CHST11: variants seen among roughly 807,000 people sequenced by gnomAD.
CHST11 encodes the protein C4S-1.
CHST11 carries 9 observed loss-of-function variants against 30.4 expected under a neutral mutation model. That is an observed-to-expected ratio of 0.30 (90% CI 0.18 to 0.52). The LOEUF (loss-of-function observed/expected upper bound fraction) is 0.52. CHST11 is among the 20% of genes least tolerant of loss of function. The pLI is 0.97. For synonymous variants in CHST11, 152 were observed against 187.8 expected (o/e 0.81, Z 1.56); for missense variants, 348 against 460.6 (o/e 0.76, Z 2.24).
At chr12:104,734,511 C>T (rs763256012) in intron 2 of CHST11, among the ~76,000 whole-genome samples, 46 of 152,174 alleles carry the variant, frequency 3.0e-4, no homozygotes, top group Admixed American at 2.6e-4. Context: ...CCTTAAGATC[C>T]GGACCCAAAT....
chr12:104,485,972 T>C (rs2037673395), intron 1 of CHST11, among the ~76,000 whole-genome samples: 1 of 152,180 alleles, frequency 6.6e-6, no homozygotes, highest in African/African-American at 2.4e-5. Context: ...GCATAAGTCA[T>C]CGCACCATTC....
intron 1 of CHST11, among the ~76,000 whole-genome samples, chr12:104,496,019 T>G (rs17035659): frequency 0.04 from 6,149 of 152,358 alleles, 182 homozygotes; most frequent in Admixed American, 0.09. Flanking sequence ...ATAGCAGACT[T>G]AAGCGAGGGC....
intron 2 of CHST11, among the ~76,000 whole-genome samples, chr12:104,687,920 G>A (rs994739646): frequency 2.6e-5 from 4 of 152,280 alleles, no homozygotes; most frequent in East Asian, 1.9e-4. Context: ...GTTTAATGCC[G>A]TTGGGTGAGG....
intron 1 of CHST11, among the ~76,000 whole-genome samples, chr12:104,568,566 A>G (rs1264634753): frequency 6.6e-6 from 1 of 152,200 alleles, no homozygotes; most frequent in Non-Finnish European, 1.5e-5. Context: ...TTGGCATTTT[A>G]CAAATGTGAT....
At chr12:104,665,563 G>A (rs1334384151) in intron 2 of CHST11, among the ~76,000 whole-genome samples, 3 of 152,068 alleles carry the variant, frequency 2.0e-5, no homozygotes, top group Non-Finnish European at 4.4e-5. Context: ...GCGGTTCTGA[G>A]TATTAACTTA....
chr12:104,559,266 C>A (rs2038490169), intron 1 of CHST11, among the ~76,000 whole-genome samples: 2 of 152,196 alleles, frequency 1.3e-5, no homozygotes, highest in African/African-American at 4.8e-5. Context: ...ATCCCCAGAG[C>A]CTAGCACAGT....
At chr12:104,512,217 G>GA (rs1182217371) in intron 1 of CHST11, among the ~76,000 whole-genome samples, 2 of 152,150 alleles carry the variant, frequency 1.3e-5, no homozygotes, top group Non-Finnish European at 2.9e-5. Context: ...ATCCAGGGTA[G>GA]AAAGAAAATG....
At chr12:104,541,298 T>G (rs1453449168) in intron 1 of CHST11, among the ~76,000 whole-genome samples, 2 of 152,200 alleles carry the variant, frequency 1.3e-5, no homozygotes, top group Non-Finnish European at 2.9e-5. Flanking sequence ...GTGATTCATC[T>G]CGTGTCAGTG....
chr12:104,546,279 G>C (rs1177636276), intron 1 of CHST11, among the ~76,000 whole-genome samples: 1 of 151,664 alleles, frequency 6.6e-6, no homozygotes, highest in Non-Finnish European at 1.5e-5. Context: ...AGACCAGCCT[G>C]GTCAACATAA....
chr12:104,547,024 A>G (rs941446909), intron 1 of CHST11, among the ~76,000 whole-genome samples: 1 of 152,230 alleles, frequency 6.6e-6, no homozygotes, highest in African/African-American at 2.4e-5. Flanking sequence ...TATTTAAAAA[A>G]TTATCAGTAA....
intron 1 of CHST11, among the ~76,000 whole-genome samples, chr12:104,555,241 T>C (rs994601958): frequency 6.6e-6 from 1 of 152,224 alleles, no homozygotes; most frequent in Admixed American, 6.5e-5. Context: ...TCAGAGGCCA[T>C]GTCTCTATTC....
At chr12:104,693,892 A>G (rs1409063203) in intron 2 of CHST11, among the ~76,000 whole-genome samples, 1 of 152,190 alleles carries the variant, frequency 6.6e-6, no homozygotes, top group Non-Finnish European at 1.5e-5. Context: ...AGTTTACATC[A>G]AGGATCTGTC....
chr12:104,675,359 A>G (rs924983552), intron 2 of CHST11, among the ~76,000 whole-genome samples: 3 of 152,242 alleles, frequency 2.0e-5, no homozygotes, highest in African/African-American at 7.2e-5. Flanking sequence ...TCTACAAGTA[A>G]GAATGGTATG....
intron 1 of CHST11, among the ~76,000 whole-genome samples, chr12:104,482,984 G>A (rs565801634): frequency 1.3e-5 from 2 of 152,004 alleles, no homozygotes; most frequent in Non-Finnish European, 1.5e-5. Flanking sequence ...GTGCTGATTC[G>A]GGTCACCACA....
chr12:104,619,377 C>T (rs368023555), intron 2 of CHST11, among the ~76,000 whole-genome samples: 38 of 152,212 alleles, frequency 2.5e-4, no homozygotes, highest in Middle Eastern at 6.8e-3. Context: ...TTTAATTTTC[C>T]GGACACACAC....
intron 2 of CHST11, among the ~76,000 whole-genome samples, chr12:104,669,679 C>T (rs2039672922): frequency 1.3e-5 from 2 of 152,216 alleles, no homozygotes; most frequent in South Asian, 4.1e-4. Flanking sequence ...GACCCAAGGT[C>T]AAGCTGCGCC....
At chr12:104,660,929 C>T (rs139300350) in intron 2 of CHST11, among the ~76,000 whole-genome samples, 1 of 152,276 alleles carries the variant, frequency 6.6e-6, no homozygotes, top group Non-Finnish European at 1.5e-5. Flanking sequence ...TGGTTCTCAT[C>T]CTTCTGTGAC....
chr12:104,551,018 G>T (rs1408035523), intron 1 of CHST11, among the ~76,000 whole-genome samples: 1 of 152,040 alleles, frequency 6.6e-6, no homozygotes, highest in African/African-American at 2.4e-5. Context: ...AGTGCTGATG[G>T]TCCGTACTTG....
chr12:104,537,337 T>C (rs1039364750), intron 1 of CHST11, among the ~76,000 whole-genome samples: 26 of 152,300 alleles, frequency 1.7e-4, no homozygotes, highest in Admixed American at 4.6e-4. Flanking sequence ...GTGCCCAGCA[T>C]TGAATTAGCA....
Sources: allele counts gnomAD v4.1 joint callset (sites outside exome capture counted in the v4.1 genomes callset), GRCh38; gene constraint gnomAD v4.1.1; transcripts MANE v1.5; gene names NCBI Gene and HGNC (gene_info 2026-07-23, HGNC 2026-07-21).